Variants in OTUD7A observed in about 807,000 individuals in gnomAD.
OTUD7A encodes OTU deubiquitinase 7A, also known as OTU domain-containing protein 7A.
OTUD7A carries 12 observed loss-of-function variants against 65.7 expected under a neutral mutation model. The observed-to-expected ratio is 0.18, with a 90% CI of 0.12 to 0.30. The LOEUF is 0.30. Ranked by LOEUF, OTUD7A falls within the 10% of genes least tolerant of loss-of-function variation. The probability of loss-of-function intolerance (pLI) is 1.00; values close to 1 mark genes in which losing one functional copy is unlikely to be tolerated. For missense variants in OTUD7A, 1,148 were observed against 1,304.8 expected (o/e 0.88, Z 1.85); for synonymous variants, 641 against 586.3 (o/e 1.09, Z -1.35).
intron 1 of OTUD7A, among the ~76,000 whole-genome samples, chr15:31,859,266 T>C (rs1370262576): frequency 6.6e-6 from 1 of 152,220 alleles, no homozygotes; most frequent in Non-Finnish European, 1.5e-5. Context: ...ACACATCATG[T>C]TGTACATGGA....
At chr15:31,665,778 T>C (rs1041156289) in intron 1 of OTUD7A, among the ~76,000 whole-genome samples, 12 of 152,222 alleles carry the variant, frequency 7.9e-5, no homozygotes, top group Admixed American at 2.0e-4. Flanking sequence ...TTCAGTATTA[T>C]GTTGGCTATG....
At chr15:31,753,710 ATATATATATATT>A (rs1894719274) in intron 1 of OTUD7A, among the ~76,000 whole-genome samples, 2 of 114,468 alleles carry the variant, frequency 1.7e-5, no homozygotes, top group Non-Finnish European at 3.3e-5. Context: ...TATTATATAT[ATATATATATATT>A]ATATATATAT....
At chr15:31,586,947 C>T (rs1211459927) in intron 3 of OTUD7A, among the ~76,000 whole-genome samples, 1 of 152,092 alleles carries the variant, frequency 6.6e-6, no homozygotes, top group Non-Finnish European at 1.5e-5. Context: ...CCACATTGCC[C>T]GCCAGGGCTG....
chr15:31,581,291 A>AT, intron 3 of OTUD7A, among the ~76,000 whole-genome samples: 1 of 152,294 alleles, frequency 6.6e-6, no homozygotes, highest in South Asian at 2.1e-4. Context: ...ACAGGCTGGC[A>AT]TTGAGTGTCT....
rs537333071 is a variant in OTUD7A at position 31,857,727 on chromosome 15, T to C, written c.-100+12780A>G. Among the ~76,000 whole-genome samples, 4 of 152,348 alleles carry C rather than the reference T, an allele frequency of 2.6e-5. No homozygotes were observed. In the East Asian group the frequency reaches 7.7e-4, roughly 29 times the overall value. Reference sequence around the variant, plus strand: ...CACTTGGCTTTCCCTTGCTCTGCTATCCTGGGCATCTCCTGGACCATGAAG... The same window carrying C: ...CACTTGGCTTTCCCTTGCTCTGCTACCCTGGGCATCTCCTGGACCATGAAG... On this transcript the variant is annotated intron_variant, in intron 1 of 12. Transcript: ENST00000307050.
At chr15:31,682,972 C>A (rs1296172203) in intron 1 of OTUD7A, among the ~76,000 whole-genome samples, 1 of 152,220 alleles carries the variant, frequency 6.6e-6, no homozygotes, top group Non-Finnish European at 1.5e-5. Context: ...GTCTAAGGGA[C>A]ATTTGGTTAG....
At chr15:31,791,162 G>A (rs1479023830) in intron 1 of OTUD7A, among the ~76,000 whole-genome samples, 1 of 152,130 alleles carries the variant, frequency 6.6e-6, no homozygotes, top group Non-Finnish European at 1.5e-5. Context: ...GAGTAGCTGG[G>A]ACTACAGGTA....
At chr15:31,600,704 T>G (rs2141210153) in intron 3 of OTUD7A, among the ~76,000 whole-genome samples, 1 of 152,282 alleles carries the variant, frequency 6.6e-6, no homozygotes, top group East Asian at 1.9e-4. Flanking sequence ...GTGTGCTGTA[T>G]TCAGAAGACC....
At chr15:31,584,769 A>C (rs1051045111) in intron 3 of OTUD7A, among the ~76,000 whole-genome samples, 1 of 152,166 alleles carries the variant, frequency 6.6e-6, no homozygotes, top group African/African-American at 2.4e-5. Context: ...ATGCAGTGGA[A>C]AAGGGTCACA....
At chr15:31,505,851 G>A (rs1312838387) in intron 8 of OTUD7A, among the ~76,000 whole-genome samples, 2 of 151,270 alleles carry the variant, frequency 1.3e-5, no homozygotes, top group Non-Finnish European at 2.9e-5. Flanking sequence ...CCGGGTTCAC[G>A]CCATTCTCCT....
chr15:31,672,865 G>A (rs1334227161), intron 1 of OTUD7A, among the ~76,000 whole-genome samples: 2 of 152,174 alleles, frequency 1.3e-5, no homozygotes, highest in Admixed American at 1.3e-4. Flanking sequence ...ACATATTTGG[G>A]AATAGCAGTA....
rs1195638563 is a variant in OTUD7A at position 31,854,851 on chromosome 15, A to G, written c.-100+15656T>C. Among the ~76,000 whole-genome samples the G allele has an allele frequency of 2.0e-5, 3 of 152,130 alleles. No homozygotes were observed. The East Asian group carries it at 5.8e-4, about 29-fold the overall frequency. On this transcript the variant is annotated intron_variant, in intron 1 of 12. Transcript: ENST00000307050. Reference sequence around the variant, plus strand: ...ACAACAACAACAAAGAAGAGATCATAAACCAACAGAAAGAGAATCAGAGCA... The same window carrying G: ...ACAACAACAACAAAGAAGAGATCATGAACCAACAGAAAGAGAATCAGAGCA...
At chr15:31,731,849 T>G (rs1474560746) in intron 1 of OTUD7A, among the ~76,000 whole-genome samples, 1 of 152,024 alleles carries the variant, frequency 6.6e-6, no homozygotes, top group Non-Finnish European at 1.5e-5. Flanking sequence ...AATTTTGCTG[T>G]GAACCTAAAA....
At chr15:31,844,888 G>A (rs140129020) in intron 1 of OTUD7A, among the ~76,000 whole-genome samples, 18 of 152,232 alleles carry the variant, frequency 1.2e-4, no homozygotes, top group African/African-American at 3.9e-4. Flanking sequence ...TTACTGCCTC[G>A]GGGACCATTC....
chr15:31,828,983 A>G (rs1027205412), intron 1 of OTUD7A, among the ~76,000 whole-genome samples: 1 of 152,212 alleles, frequency 6.6e-6, no homozygotes, highest in African/African-American at 2.4e-5. Flanking sequence ...AAAAGTGCTC[A>G]TGCTCATTTC....
At chr15:31,779,818 G>C (rs1421627970) in intron 1 of OTUD7A, among the ~76,000 whole-genome samples, 1 of 152,094 alleles carries the variant, frequency 6.6e-6, no homozygotes, top group African/African-American at 2.4e-5. Context: ...ACCAAGGAAG[G>C]CCTTGGTCCT....
At position 31,750,225 on chromosome 15, in the gene OTUD7A, T is replaced by C. The variant is rs368798989; in HGVS notation, c.-99-93148A>G. The stretch of plus-strand genomic sequence containing the variant: ...GAGTTCGAGACCAGCCTGGCCAACA[T>C]GGTGAAAGCCTGTCTCTACAAAAAA... On this transcript the variant is annotated intron_variant, in intron 1 of 12. Transcript: ENST00000307050. Among the ~76,000 whole-genome samples, 48 of 151,878 alleles carry C rather than the reference T, an allele frequency of 3.2e-4. No homozygotes were observed. The South Asian group carries it at 9.0e-3, about 28-fold the overall frequency.
intron 10 of OTUD7A, among the ~76,000 whole-genome samples, chr15:31,500,738 C>T (rs1172422328): frequency 6.6e-6 from 1 of 152,210 alleles, no homozygotes; most frequent in Non-Finnish European, 1.5e-5. Flanking sequence ...AAGCAGACAC[C>T]CCTGAGCTTC....
intron 10 of OTUD7A, among the ~76,000 whole-genome samples, chr15:31,496,895 C>A (rs2041392709): frequency 6.6e-6 from 1 of 152,178 alleles, no homozygotes; most frequent in African/African-American, 2.4e-5. Context: ...GTAAGCTGCT[C>A]TTTGCAAAAA....
Sources: allele counts gnomAD v4.1 joint callset (sites outside exome capture counted in the v4.1 genomes callset), GRCh38; gene constraint gnomAD v4.1.1; transcripts MANE v1.5; gene names NCBI Gene and HGNC (gene_info 2026-07-23, HGNC 2026-07-21).